Variants in MST1 observed in about 807,000 individuals in gnomAD.
MST1 encodes the protein macrophage stimulating 1, also known as hepatocyte growth factor-like protein.
A neutral mutation model predicts 100.1 loss-of-function variants in MST1; 76 were observed. The ratio of observed to expected loss-of-function variants is 0.76; its 90% confidence interval spans 0.63 to 0.92. The LOEUF (loss-of-function observed/expected upper bound fraction) is 0.92. Among genes scored for constraint, MST1 ranks in the 40% least tolerant of loss-of-function variants. The pLI, the probability that MST1 is intolerant of heterozygous loss-of-function variation, is 0.00. For synonymous variants in MST1, 352 were observed against 385.4 expected (o/e 0.91, Z 1.01); for missense variants, 850 against 990.0 (o/e 0.86, Z 1.90).
In MST1 at chr3:49,685,728, T is replaced by C. The variant is rs2053663259; in HGVS notation, c.1255A>G (p.Thr419Ala). 6.2e-7 allele frequency: 1 copy of C among 1,613,004 alleles called. No individual in the cohort carries two copies. The highest frequency in any genetic ancestry group is 8.5e-7 in the Non-Finnish European group (1 of 1,179,832). ...TGTGCATGCGGTTCGGAGGTAAACG[T>C]GAACCTAGGCGGAAGCGGGAGCAAA... Reference protein sequence around the residue: ...SAETPHKPQFTFTSEPHAQLE... With the variant: ...SAETPHKPQFAFTSEPHAQLE... The change falls in exon 11 of 18, where the codon ACG becomes GCG. Residue 419 changes from threonine (T) to alanine (A), a missense_variant. Thr to Ala is a moderately conservative substitution (Grantham distance 58, BLOSUM62 0). Coordinates refer to ENST00000449682, the MANE Select transcript of MST1 (RefSeq NM_020998.4).
At chr3:49,688,444 T>G in intron 1 of MST1, 154 bp downstream of exon 1, 1 of 647,438 alleles carries the variant, frequency 1.5e-6, no homozygotes, top group Non-Finnish European at 2.7e-6. Context: ...TGTCTATGTG[T>G]TCCTAGGGCT....
In MST1 at chr3:49,684,341, T is replaced by A; in HGVS notation, c.1989A>T (p.Gly663=). 6.2e-7 allele frequency: 1 copy of A among 1,613,122 alleles called. No homozygotes were observed. Among genetic ancestry groups the A allele is most frequent in the Non-Finnish European group, 8.5e-7 (1 of 1,179,842 alleles). ...CACAGGCCCCCACAGGGGCCAACAGTCCCTCAGTGCACATCTCACTCTCCC... is the reference window on the plus strand; with the variant it reads ...CACAGGCCCCCACAGGGGCCAACAGACCCTCAGTGCACATCTCACTCTCCC... ...RVRESEMCTE[G]LLAPVGACEG... Residue 663 remains glycine (G), a synonymous_variant, in exon 17 of 18, where the codon GGA becomes GGT. Transcript: ENST00000449682.
Position 49,684,413 on chromosome 3 carries a change from A to G in MST1, c.1917T>C (p.Asn639=), listed in dbSNP as rs755551493. ...NDTVLNVALL[N]VISNQECNIK... is the part of the protein sequence containing the mutation. ...TGTTACACTCCTGGTTGGAGATGAC[A>G]TTCAGCAAGGCCACATTTAGGACTG... Residue 639 remains asparagine (N), a synonymous_variant, in exon 17 of 18, where the codon AAT becomes AAC. Transcript: ENST00000449682. The G allele has an allele frequency of 4.3e-5, 69 of 1,613,310 alleles. No homozygotes were observed. The Middle Eastern group carries it at 4.9e-4, about 12-fold the overall frequency.
chr3:49,687,241 C>T lies in MST1; in HGVS notation c.515G>A (p.Arg172His), dbSNP rs146292595. ...ACCTCCGGGGTCGCCATCAGGGTTA[C>T]GGCAGAAGTTCTCTTCCAGGCCATT... is the stretch of plus-strand genomic sequence containing the variant. ...LRNGLEENFC[R>H]NPDGDPGGPW... Residue 172 changes from arginine to histidine, a missense_variant, in exon 5 of 18, where the codon CGT (arginine) becomes CAT (histidine). By Grantham distance (29) the Arg-to-His change is conservative. Around this residue, in one of 2 missense-constraint regions of MST1, gnomAD observed 816 missense variants for 924.6 expected, o/e 0.88. Coordinates refer to ENST00000449682, the MANE Select transcript of MST1 (RefSeq NM_020998.4). 3.1e-6 allele frequency: 5 copies of T among 1,613,370 alleles called. No individual in the cohort carries two copies. Among genetic ancestry groups the T allele is most frequent in the Non-Finnish European group, 3.4e-6 (4 of 1,179,882 alleles).
rs765056756 is a variant in MST1, at chr3:49,684,075, C to T, written c.2131G>A (p.Val711Ile). 6.2e-7 allele frequency: 1 copy of T among 1,613,734 alleles called. No homozygotes were observed. Among genetic ancestry groups the T allele is most frequent in the African/African-American group, 1.3e-5 (1 of 75,058 alleles). Reference protein sequence around the residue: ...RSRWPAVFTRVSVFVDWIHKV... With the variant: ...RSRWPAVFTRISVFVDWIHKV... Reference sequence around the variant, plus strand: ...TGAATCCAGTCCACAAACACAGAGACACGCGTGAAGACAGCTGGCCAGCGG... The same window carrying T: ...TGAATCCAGTCCACAAACACAGAGATACGCGTGAAGACAGCTGGCCAGCGG... Residue 711 changes from valine (V) to isoleucine (I), a missense_variant, in exon 18 of 18, where the codon GTC becomes ATC. Coordinates refer to ENST00000449682, the MANE Select transcript of MST1 (RefSeq NM_020998.4).
Position 49,687,203 on chromosome 3 carries a change from T to C in MST1, c.553A>G (p.Thr185Ala). The C allele has an allele frequency of 6.2e-7, 1 of 1,613,410 alleles. No homozygotes were observed. Among genetic ancestry groups the C allele is most frequent in the Non-Finnish European group, 8.5e-7 (1 of 1,179,870 alleles). ...DGDPGGPWCY[T>A]TDPAVRFQSC... ...TGGAAGCGCACAGCAGGGTCTGTTG[T>C]GTAGCACCAAGGACCTCCGGGGTCG... Residue 185 changes from threonine (T) to alanine (A), a missense_variant, in exon 5 of 18, where the codon ACA becomes GCA. Physicochemically the swap from Thr to Ala is moderately conservative, Grantham distance 58. This residue lies in a region of MST1 where 816 missense variants were observed against 924.6 expected (regional missense o/e 0.88). Coordinates refer to ENST00000449682, the MANE Select transcript of MST1 (RefSeq NM_020998.4).
chr3:49,685,443 C>T, intron 12 of MST1, 28 bp downstream of exon 12: 1 of 1,613,692 alleles, frequency 6.2e-7, no homozygotes, highest in Non-Finnish European at 8.5e-7. Flanking sequence ...GCTAAAGGGC[C>T]TGACCCATAA....
chr3:49,684,812 G>T lies in MST1; in HGVS notation c.1695C>A (p.Ser565Arg). ...LFQNPQHGEP[S>R]LQRVPVAKMV... ...TCTTGGCTACTGGGACCCGCTGTAG[G>T]CTTGGCTCTCCATGCTGTGGGTTCT... The change falls in exon 15 of 18, where the codon AGC becomes AGA. Residue 565 changes from serine (S) to arginine (R), a missense_variant. By Grantham distance (110) the Ser-to-Arg change is moderately radical. Transcript: ENST00000449682. The T allele has an allele frequency of 1.2e-6, 2 of 1,613,498 alleles. No individual in the cohort carries two copies. The highest frequency in any genetic ancestry group is 2.2e-5 in the South Asian group (2 of 91,082).
Position 49,684,423 on chromosome 3 carries a change from G to A in MST1, c.1907C>T (p.Ala636Val), listed in dbSNP as rs753166766. 2.5e-6 allele frequency: 4 copies of A among 1,613,324 alleles called. No individual in the cohort carries two copies. Among genetic ancestry groups the A allele is most frequent in the Non-Finnish European group, 3.4e-6 (4 of 1,179,876 alleles). ...CTGGTTGGAGATGACATTCAGCAAG[G>A]CCACATTTAGGACTGTGTCATTACC... ...GTGNDTVLNVALLNVISNQEC... is the reference protein window; with the variant it reads ...GTGNDTVLNVVLLNVISNQEC... Residue 636 changes from alanine to valine, a missense_variant, in exon 17 of 18, where the codon GCC (alanine) becomes GTC (valine). Coordinates refer to ENST00000449682, the MANE Select transcript of MST1 (RefSeq NM_020998.4).
rs772090436 is a variant in MST1, at chr3:49,686,504, G to A, written c.848-23C>T. 6 of 1,609,734 alleles carry A rather than the reference G, an allele frequency of 3.7e-6. No individual in the cohort carries two copies. In the East Asian group the frequency reaches 8.9e-5, roughly 24 times the overall value. ...ACCCTTAGATGGACCGAGATAGGTCGGGCCCCGAGCGAGAGCTGAGATCCC... is the reference window on the plus strand; with the variant it reads ...ACCCTTAGATGGACCGAGATAGGTCAGGCCCCGAGCGAGAGCTGAGATCCC... On this transcript the variant is annotated intron_variant, in intron 7 of 17. Coordinates refer to ENST00000449682, the MANE Select transcript of MST1 (RefSeq NM_020998.4).
rs756884421 is a variant in MST1, at chr3:49,688,963, G to C, written c.-272C>G. On this transcript the variant is annotated 5_prime_UTR_variant, in exon 1 of 18. Coordinates refer to ENST00000449682, the MANE Select transcript of MST1 (RefSeq NM_020998.4). ...GGCATTGTGAAAGTGAGAGCTGCCA[G>C]AGGTCTGGGCTCCAGCCCCTGGGTG... The C allele has an allele frequency of 6.8e-4, 238 of 350,084 alleles. No homozygotes were observed. Among genetic ancestry groups the C allele is most frequent in the Non-Finnish European group, 9.8e-4 (184 of 188,314 alleles). The allele number at this position is 350,084 out of a possible 1,614,324, so 21.7% of individuals were successfully genotyped here. A position where few individuals can be genotyped will look rare whatever the true frequency, so the allele number is the denominator to read the frequency against.
Position 49,684,782 on chromosome 3 carries a change from C to A in MST1, c.1725G>T (p.Val575=). Residue 575 remains valine, a synonymous_variant, in exon 15 of 18, where the codon GTG becomes GTT. Transcript: ENST00000449682. The stretch of plus-strand genomic sequence containing the variant: ...CAAGCTGGGAGCCTGAGGGCCCACA[C>A]ACCATCTTGGCTACTGGGACCCGCT... ...SLQRVPVAKM[V]CGPSGSQLVL... 1 of 1,613,590 alleles carries A rather than the reference C, an allele frequency of 6.2e-7. No individual in the cohort carries two copies.
rs191996618 is a variant in MST1 at position 49,687,751 on chromosome 3, G to T, written c.241C>A (p.Arg81=). 1 of 1,613,462 alleles carries T rather than the reference G, an allele frequency of 6.2e-7. No individual in the cohort carries two copies. The change falls in exon 2 of 18, where the codon CGG becomes AGG. Residue 81 remains arginine (R), a splice_region_variant and synonymous_variant. Transcript: ENST00000449682. ...TATCTAGGCCCAGTGGCCACTCACC[G>T]GCAGTCCATTAAGGGCCCACAGCGA... The part of the protein sequence containing the change: ...AGRCGPLMDC[R]AFHYNVSSHG...
rs780050148 is a variant in MST1 at position 49,684,568 on chromosome 3, C to T, written c.1858G>A (p.Gly620Ser). The T allele has an allele frequency of 1.6e-5, 26 of 1,613,692 alleles. No individual in the cohort carries two copies. The highest frequency in any genetic ancestry group is 2.1e-5 in the Non-Finnish European group (25 of 1,179,874). The change falls in exon 16 of 18, where the codon GGC becomes AGC. Residue 620 changes from glycine (G) to serine (S), a missense_variant. Gly to Ser is a moderately conservative substitution (Grantham distance 56). Transcript: ENST00000449682. Reference sequence around the variant, plus strand: ...CTCTTACCTTTGGTCTCACCCCAGCCTGCAATCTCACACTTGGTCCCTGGA... The same window carrying T: ...CTCTTACCTTTGGTCTCACCCCAGCTTGCAATCTCACACTTGGTCCCTGGA... ...VPPGTKCEIAGWGETKGTGND... is the reference protein window; with the variant it reads ...VPPGTKCEIASWGETKGTGND...
At chr3:49,686,541 G>A in intron 7 of MST1, 60 bp from the exon 8 acceptor site, 9 of 1,594,318 alleles carry the variant, frequency 5.6e-6, no homozygotes, top group South Asian at 1.1e-5. Context: ...CTGGGGCTGG[G>A]ACCAAACCCG....
Position 49,686,060 on chromosome 3 carries a change from A to G in MST1, c.1147+2T>C, listed in dbSNP as rs2053705529. The G allele has an allele frequency of 6.2e-7, 1 of 1,608,744 alleles. No individual in the cohort carries two copies. The highest frequency in any genetic ancestry group is 8.5e-7 in the Non-Finnish European group (1 of 1,178,806). On this transcript the variant is annotated splice_donor_variant, in intron 9 of 17. Transcript: ENST00000449682. LOFTEE classifies it high-confidence loss of function. Reference sequence around the variant, plus strand: ...TCTGTAGCCCCCAAGCTTGGGCCTCACCCTGGGGCCGCACGTCGTCTGTAC... The same window carrying G: ...TCTGTAGCCCCCAAGCTTGGGCCTCGCCCTGGGGCCGCACGTCGTCTGTAC...
Position 49,686,933 on chromosome 3 carries a change from C to A in MST1, c.728+14G>T, listed in dbSNP as rs369198768. ...TAGCCCGGCCCCCAGGACGCCGATA[C>A]CGCCTACGCGTACTTGCCCGGCTCG... On this transcript the variant is annotated intron_variant, in intron 6 of 17. Transcript: ENST00000449682. The A allele has an allele frequency of 5.6e-6, 9 of 1,611,478 alleles. No individual in the cohort carries two copies. Among genetic ancestry groups the A allele is most frequent in the Non-Finnish European group, 7.6e-6 (9 of 1,179,682 alleles).
intron 7 of MST1, 94 bp from the exon 8 acceptor site, chr3:49,686,575 C>T: frequency 1.3e-6 from 2 of 1,561,698 alleles, no homozygotes; most frequent in Admixed American, 1.9e-5. Flanking sequence ...TACGGTACTC[C>T]ACGGGGTATG....
rs1201590858 is a variant in MST1 at position 49,686,806 on chromosome 3, G to A, written c.729-4C>T. 6.2e-7 allele frequency: 1 copy of A among 1,612,430 alleles called. No homozygotes were observed. The highest frequency in any genetic ancestry group is 8.5e-7 in the Non-Finnish European group (1 of 1,179,816). On this transcript the variant is annotated splice_region_variant and splice_polypyrimidine_tract_variant and intron_variant, in intron 6 of 17. Transcript: ENST00000449682. ...GTCCAGACCTTGGTCGAGGAACCTG[G>A]GGGCGGTAATGGGGCGTGAACAAGA...
Sources: gnomAD v4.1 joint callset for allele counts on GRCh38, gnomAD v4.1.1 for gene constraint, gnomAD v4.1.1 regional missense constraint, MANE v1.5 for transcripts, NCBI Gene and HGNC (gene_info 2026-07-23, HGNC 2026-07-21) for gene names.